Variants in PDE1C observed in about 807,000 individuals in gnomAD.
PDE1C encodes the protein dual specificity calcium/calmodulin-dependent 3',5'-cyclic nucleotide phosphodiesterase 1C.
In PDE1C, 62 loss-of-function variants were observed where a neutral mutation model predicts 93.1. The observed-to-expected ratio is 0.67, with a 90% CI of 0.54 to 0.82. The LOEUF (loss-of-function observed/expected upper bound fraction) is 0.82, where lower values mean the gene tolerates loss of function less well. Ranked by LOEUF, PDE1C falls within the 40% of genes least tolerant of loss-of-function variation. The pLI, the probability that PDE1C is intolerant of heterozygous loss-of-function variation, is 0.00. For missense variants in PDE1C, 742 were observed against 884.6 expected, an observed-to-expected ratio of 0.84 and a Z score of 2.04; for synonymous variants, 325 against 310.1, an observed-to-expected ratio of 1.05 and a Z score of -0.50.
chr7:31,700,161 T>C, the PDE1C span, among the ~76,000 whole-genome samples: 2 of 152,194 alleles, frequency 1.3e-5, no homozygotes, highest in South Asian at 2.1e-4. Context: ...ATTAGGTCTC[T>C]TGTACCAACG....
intron 2 of PDE1C, among the ~76,000 whole-genome samples, chr7:31,896,551 C>G (rs115402759): frequency 0.03 from 4,593 of 152,122 alleles, 215 homozygotes; most frequent in African/African-American, 0.11. Flanking sequence ...AGCAGCCAGT[C>G]AGCAGGCACT....
At chr7:31,843,486 A>T (rs1390172386) in intron 9 of PDE1C, among the ~76,000 whole-genome samples, 1 of 151,818 alleles carries the variant, frequency 6.6e-6, no homozygotes, top group Non-Finnish European at 1.5e-5. Context: ...AGTTCATTTT[A>T]GCTAATATTA....
rs371861645 is a variant in PDE1C, at chr7:32,413,004, T to C, written c.310+14818A>G. ...AGGAAACTCACGGGGATGAGGGTAA[T>C]GGCCTGTACCTTGATAGGGGTTTGG... On this transcript the variant is annotated intron_variant, in intron 1 of 1. Transcript: ENST00000672256. Among the ~76,000 whole-genome samples the C allele has an allele frequency of 3.9e-5, 6 of 152,268 alleles. No homozygotes were observed. In the East Asian group the frequency reaches 1.2e-3, roughly 29 times the overall value.
At chr7:32,324,706 T>C (rs1783369745) in intron 1 of PDE1C, among the ~76,000 whole-genome samples, 1 of 152,192 alleles carries the variant, frequency 6.6e-6, no homozygotes, top group Non-Finnish European at 1.5e-5. Flanking sequence ...CCCAGCACTT[T>C]GGGAGGCCAA....
chr7:31,955,283 T>C (rs1006328198), intron 2 of PDE1C, among the ~76,000 whole-genome samples: 1 of 152,214 alleles, frequency 6.6e-6, no homozygotes, highest in Non-Finnish European at 1.5e-5. Context: ...ATCACACTGA[T>C]ATCTACTATG....
chr7:31,927,009 T>C (rs1219119620), intron 2 of PDE1C, among the ~76,000 whole-genome samples: 3 of 152,184 alleles, frequency 2.0e-5, no homozygotes, highest in African/African-American at 4.8e-5. Context: ...AGCCAAGTGT[T>C]CTCACTCAGT....
chr7:32,211,953 G>A (rs923334104), intron 1 of PDE1C, among the ~76,000 whole-genome samples: 3 of 149,190 alleles, frequency 2.0e-5, no homozygotes, highest in Non-Finnish European at 4.4e-5. Flanking sequence ...TTGAGCCCAG[G>A]AGGTTGAGGC....
At position 32,092,259 on chromosome 7, in the gene PDE1C, G is replaced by A. The variant is rs564741603; in HGVS notation, c.308+77526C>T. ...AAAGAGCATGTTTTTCACTGGATTTGAGTTTTGTGAGTAAAGTGTGTGCTT... is the reference window on the plus strand; with the variant it reads ...AAAGAGCATGTTTTTCACTGGATTTAAGTTTTGTGAGTAAAGTGTGTGCTT... On this transcript the variant is annotated intron_variant, in intron 3 of 18. Transcript: ENST00000396193. Among the ~76,000 whole-genome samples, 24 of 152,270 alleles carry A rather than the reference G, an allele frequency of 1.6e-4. No homozygotes were observed. The South Asian group carries it at 5.0e-3, about 32-fold the overall frequency.
intron 1 of PDE1C, among the ~76,000 whole-genome samples, chr7:32,342,303 C>T (rs1442212831): frequency 2.0e-5 from 3 of 152,062 alleles, no homozygotes; most frequent in East Asian, 1.9e-4. Context: ...ATGTTCAATC[C>T]CTCTCTGAAG....
chr7:32,350,576 ATATATATATATATAT>A (rs1388109615), intron 1 of PDE1C, among the ~76,000 whole-genome samples: 9 of 870 alleles, frequency 0.01, no homozygotes, highest in African/African-American at 0.013. Flanking sequence ...ATATATATAT[ATATATATATATATAT>A]TTTTTTTTTT....
intron 2 of PDE1C, among the ~76,000 whole-genome samples, chr7:32,026,613 T>C (rs1219163200): frequency 6.6e-6 from 1 of 152,158 alleles, no homozygotes; most frequent in African/African-American, 2.4e-5. Flanking sequence ...AAAGACAGTT[T>C]GGCAGATTCC....
intron 2 of PDE1C, among the ~76,000 whole-genome samples, chr7:32,179,124 A>G (rs1254448585): frequency 1.3e-5 from 2 of 152,170 alleles, no homozygotes; most frequent in African/African-American, 2.4e-5. Context: ...CACTGTGTTT[A>G]TTACTTTATT....
chr7:31,837,494 T>C (rs1478011435), intron 10 of PDE1C, among the ~76,000 whole-genome samples, 194 bp from the exon 11 acceptor site: 1 of 152,240 alleles, frequency 6.6e-6, no homozygotes, highest in African/African-American at 2.4e-5. Flanking sequence ...ATTTACGGAA[T>C]TGGACTCTCT....
intron 3 of PDE1C, among the ~76,000 whole-genome samples, chr7:32,153,685 T>C (rs1463743110): frequency 1.3e-5 from 2 of 152,196 alleles, no homozygotes; most frequent in Non-Finnish European, 2.9e-5. Flanking sequence ...CTGAACAGGA[T>C]AGAGCCCACG....
chr7:32,178,067 TC>T (rs1368639997), intron 2 of PDE1C, among the ~76,000 whole-genome samples: 4 of 152,124 alleles, frequency 2.6e-5, no homozygotes, highest in African/African-American at 9.7e-5. Flanking sequence ...ATGGGGCAAT[TC>T]CCACATAATC....
chr7:31,792,085 T>G lies in PDE1C; in HGVS notation c.1892-16353A>C, dbSNP rs186889242. Reference sequence around the variant, plus strand: ...CAGCAGTAAAAGAACAAGAAGCATATGTTCTATAGCTGGGTCTGTGACGTG... The same window carrying G: ...CAGCAGTAAAAGAACAAGAAGCATAGGTTCTATAGCTGGGTCTGTGACGTG... On this transcript the variant is annotated intron_variant, in intron 16 of 17. Coordinates refer to ENST00000396191, the MANE Select transcript of PDE1C (RefSeq NM_001191057.4). Among the ~76,000 whole-genome samples, 419 of 152,184 alleles carry G rather than the reference T, an allele frequency of 2.8e-3. 4 individuals carry two copies. Among genetic ancestry groups the G allele is most frequent in the African/African-American group, 9.5e-3 (395 of 41,544 alleles).
intron 1 of PDE1C, among the ~76,000 whole-genome samples, chr7:32,380,260 T>G (rs1021328883): frequency 1.3e-5 from 2 of 151,850 alleles, no homozygotes; most frequent in Non-Finnish European, 2.9e-5. Context: ...TTTTTTGAGA[T>G]GGAGCCTCGC....
At chr7:32,238,661 T>G (rs181617811) in intron 1 of PDE1C, among the ~76,000 whole-genome samples, 2 of 152,344 alleles carry the variant, frequency 1.3e-5, no homozygotes, top group Non-Finnish European at 2.9e-5. Flanking sequence ...CACTTAATTA[T>G]GAAACCATTA....
At chr7:31,658,613 A>C in the PDE1C span, 3 of 277,310 alleles carry the variant, frequency 1.1e-5, no homozygotes, top group Non-Finnish European at 2.0e-5. Context: ...GGTTATTAAA[A>C]GCCTTGTTAA....
Sources: gnomAD v4.1 joint callset for allele counts (sites outside exome capture counted in the v4.1 genomes callset) on GRCh38, gnomAD v4.1.1 for gene constraint, MANE v1.5 for transcripts, NCBI Gene and HGNC (gene_info 2026-07-23, HGNC 2026-07-21) for gene names.